Variants in ISY1 observed in about 807,000 individuals in gnomAD.
The protein encoded by ISY1 is ISY1 spliceosome associated protein, also known as pre-mRNA-splicing factor ISY1 homolog.
In ISY1, 12 loss-of-function variants were observed where a neutral mutation model predicts 54.4. The observed-to-expected ratio is 0.22, with a 90% CI of 0.14 to 0.36. The LOEUF is 0.36. Among genes scored for constraint, ISY1 ranks in the 10% least tolerant of loss-of-function variants. The pLI is 1.00. For synonymous variants in ISY1, 96 were observed against 117.9 expected, an observed-to-expected ratio of 0.81 and a Z score of 1.20; for missense variants, 282 against 342.2, an observed-to-expected ratio of 0.82 and a Z score of 1.39.
At chr3:129,153,480 T>C (rs945900295) in intron 5 of ISY1, among the ~76,000 whole-genome samples, 17 of 152,202 alleles carry the variant, frequency 1.1e-4, no homozygotes, top group African/African-American at 4.1e-4. Context: ...CTTCCAGTTG[T>C]AACAATCAAA....
intron 9 of ISY1, among the ~76,000 whole-genome samples, chr3:129,132,665 C>A (rs922074653): frequency 6.6e-6 from 1 of 152,222 alleles, no homozygotes; most frequent in Non-Finnish European, 1.5e-5. Flanking sequence ...TCTTACTGGA[C>A]TGCCTCCCCC....
rs764650406 is a variant in ISY1 at position 129,130,601 on chromosome 3, G to A, written c.699C>T (p.Asp233=). 5 of 1,613,930 alleles carry A rather than the reference G, an allele frequency of 3.1e-6. No homozygotes were observed. The highest frequency in any genetic ancestry group is 2.7e-5 in the African/African-American group (2 of 74,878). Residue 233 remains aspartate (D), a synonymous_variant, in exon 10 of 11, where the codon GAC becomes GAT. Coordinates refer to ENST00000393295, the MANE Select transcript of ISY1 (RefSeq NM_020701.4). The part of the protein sequence containing the change: ...DEEGSQEKGG[D]DSQQKFIAHV... ...GAGCAATGAACTTCTGCTGGCTGTC[G>A]TCCCCTCCTTTCTCCTGGCTGCCTT... is the stretch of plus-strand genomic sequence containing the variant.
chr3:129,141,230 T>TAAAA (rs1553781837), intron 6 of ISY1, among the ~76,000 whole-genome samples: 4 of 112,058 alleles, frequency 3.6e-5, no homozygotes, highest in African/African-American at 9.1e-5. Flanking sequence ...AATAAATAAA[T>TAAAA]AAAAAACACT....
intron 7 of ISY1, among the ~76,000 whole-genome samples, chr3:129,135,836 T>A (rs962758955): frequency 4.6e-5 from 7 of 151,836 alleles, no homozygotes; most frequent in African/African-American, 1.7e-4. Flanking sequence ...CATCACAGTA[T>A]TATTTATATA....
In ISY1 at chr3:129,159,287, T is replaced by G. The variant is rs1369441110; in HGVS notation, c.4-111A>C. ...AAGAATACAATCACAAGCAAACCACTTGAAGTACTATATGAACAACAATAA... is the reference window on the plus strand; with the variant it reads ...AAGAATACAATCACAAGCAAACCACGTGAAGTACTATATGAACAACAATAA... On this transcript the variant is annotated intron_variant, in intron 1 of 10. Coordinates refer to ENST00000393295, the MANE Select transcript of ISY1 (RefSeq NM_020701.4). The G allele has an allele frequency of 5.1e-6, 7 of 1,385,056 alleles. No individual in the cohort carries two copies. The East Asian group carries it at 1.6e-4, about 32-fold the overall frequency. 85.8% of individuals were successfully genotyped at this position (1,385,056 alleles called of 1,614,324 possible). A position where few individuals can be genotyped will look rare whatever the true frequency, so the allele number is the denominator to read the frequency against.
intron 5 of ISY1, among the ~76,000 whole-genome samples, chr3:129,154,439 CAAAAAAAA>C (rs58548903): frequency 3.0e-5 from 1 of 33,410 alleles, no homozygotes; most frequent in South Asian, 1.4e-3. Context: ...GACTCCATCT[CAAAAAAAA>C]AAAAAAAAAA....
intron 5 of ISY1, among the ~76,000 whole-genome samples, chr3:129,155,013 A>G (rs567757429): frequency 6.6e-6 from 1 of 151,972 alleles, no homozygotes; most frequent in East Asian, 1.9e-4. Context: ...TCAAAGAACC[A>G]GCTGTTGGTC....
chr3:129,141,300 G>A (rs1034275192), intron 6 of ISY1, among the ~76,000 whole-genome samples: 1 of 151,934 alleles, frequency 6.6e-6, no homozygotes, highest in Admixed American at 6.6e-5. Flanking sequence ...ACCAAGGTGG[G>A]AAGATCACTT....
intron 5 of ISY1, among the ~76,000 whole-genome samples, chr3:129,150,662 G>A (rs972842253): frequency 1.3e-5 from 2 of 151,910 alleles, no homozygotes; most frequent in Admixed American, 6.6e-5. Flanking sequence ...GCAGTGAGCT[G>A]CACTCCAGCC....
chr3:129,140,118 T>C (rs1409983361), intron 7 of ISY1, among the ~76,000 whole-genome samples: 1 of 152,216 alleles, frequency 6.6e-6, no homozygotes, highest in Non-Finnish European at 1.5e-5. Context: ...ACTGACAGAT[T>C]AGCACCTGCC....
intron 5 of ISY1, among the ~76,000 whole-genome samples, chr3:129,149,016 C>T (rs148042768): frequency 1.8e-4 from 27 of 152,278 alleles, no homozygotes; most frequent in African/African-American, 6.5e-4. Context: ...AGTCAACTGA[C>T]CAAACCAGAC....
chr3:129,142,349 A>G (rs1412663244), intron 6 of ISY1, among the ~76,000 whole-genome samples: 2 of 152,224 alleles, frequency 1.3e-5, no homozygotes, highest in Non-Finnish European at 2.9e-5. Flanking sequence ...ATTGTAGCCA[A>G]GTTAAATTTC....
chr3:129,127,618 C>G lies in ISY1; in HGVS notation c.*2463G>C, dbSNP rs562517115. On this transcript the variant is annotated 3_prime_UTR_variant, in exon 11 of 11. Coordinates refer to ENST00000393295, the MANE Select transcript of ISY1 (RefSeq NM_020701.4). ...ACCCTCTAGGGCCTTTGGGCACAGA[C>G]AAGTAGCAAGGGCCTCTGCCAGGAA... 6 of 152,336 alleles carry G rather than the reference C, an allele frequency of 3.9e-5. No homozygotes were observed. Among genetic ancestry groups the G allele is most frequent in the African/African-American group, 1.4e-4 (6 of 41,560 alleles). 9.4% of individuals were successfully genotyped at this position (152,336 alleles called of 1,614,324 possible).
intron 7 of ISY1, among the ~76,000 whole-genome samples, chr3:129,136,509 T>G (rs1936405247): frequency 6.6e-6 from 1 of 151,996 alleles, no homozygotes; most frequent in Non-Finnish European, 1.5e-5. Flanking sequence ...CATGTTTTTT[T>G]CTTTTTTTTG....
At chr3:129,149,891 T>C (rs978161223) in intron 5 of ISY1, among the ~76,000 whole-genome samples, 12 of 150,576 alleles carry the variant, frequency 8.0e-5, no homozygotes, top group African/African-American at 2.9e-4. Flanking sequence ...AAAGGATCAC[T>C]TGAGCCCAAG....
rs752528385 is a variant in ISY1, at chr3:129,134,154, C to G, written c.583G>C (p.Ala195Pro). 3.1e-6 allele frequency: 5 copies of G among 1,614,046 alleles called. No individual in the cohort carries two copies. Among genetic ancestry groups the G allele is most frequent in the Non-Finnish European group, 4.2e-6 (5 of 1,180,048 alleles). Reference sequence around the variant, plus strand: ...TCCTTTTCTCCTCTTGCCAGCCGAGCCTCTCTCTCTGCTTTCCACTTTTCC... The same window carrying G: ...TCCTTTTCTCCTCTTGCCAGCCGAGGCTCTCTCTCTGCTTTCCACTTTTCC... ...LVEKWKAERE[A>P]RLARGEKEEE... The change falls in exon 9 of 11, where the codon GCT (alanine) becomes CCT (proline). Residue 195 changes from alanine to proline, a missense_variant. By Grantham distance (27) the Ala-to-Pro change is conservative (BLOSUM62 -1). Around this residue, in one of 2 missense-constraint regions of ISY1, gnomAD observed 279 missense variants for 323.6 expected, o/e 0.86. Coordinates refer to ENST00000393295, the MANE Select transcript of ISY1 (RefSeq NM_020701.4).
At position 129,134,097 on chromosome 3, in the gene ISY1, T is replaced by G; in HGVS notation, c.640A>C (p.Ile214Leu). 1 of 1,614,188 alleles carries G rather than the reference T, an allele frequency of 6.2e-7. No homozygotes were observed. Among genetic ancestry groups the G allele is most frequent in the Non-Finnish European group, 8.5e-7 (1 of 1,180,032 alleles). Reference protein sequence around the residue: ...EEEEEEEEINIYAVTEEESDE... With the variant: ...EEEEEEEEINLYAVTEEESDE... ...ACCTCCTCCTCGGTGACTGCATAGA[T>G]GTTGATCTCTTCCTCCTCTTCCTCC... The change falls in exon 9 of 11, where the codon ATC becomes CTC. Residue 214 changes from isoleucine to leucine, a missense_variant. Coordinates refer to ENST00000393295, the MANE Select transcript of ISY1 (RefSeq NM_020701.4).
At chr3:129,140,059 C>T (rs1389327123) in intron 7 of ISY1, among the ~76,000 whole-genome samples, 1 of 152,216 alleles carries the variant, frequency 6.6e-6, no homozygotes, top group African/African-American at 2.4e-5. Flanking sequence ...ACTTCAGAGC[C>T]TGCCCCAATC....
chr3:129,144,126 A>G (rs1936703446), intron 6 of ISY1: 2 of 427,958 alleles, frequency 4.7e-6, no homozygotes, highest in Non-Finnish European at 9.5e-6. Flanking sequence ...CACAGGAAAA[A>G]TAAAATCTCC....
Sources: allele counts gnomAD v4.1 joint callset (sites outside exome capture counted in the v4.1 genomes callset), GRCh38; gene constraint gnomAD v4.1.1; regional missense constraint gnomAD v4.1.1; transcripts MANE v1.5; gene names NCBI Gene and HGNC (gene_info 2026-07-23, HGNC 2026-07-21).